The following ZFPM2 variants were observed in gnomAD, a reference collection of about 807,000 sequenced individuals.
The protein encoded by ZFPM2 is zinc finger protein ZFPM2.
In ZFPM2, 20 loss-of-function variants were observed where a neutral mutation model predicts 98.6. The observed-to-expected ratio is 0.20, with a 90% CI of 0.14 to 0.29. ZFPM2 has a LOEUF of 0.29. ZFPM2 is among the 10% of genes least tolerant of loss of function. ZFPM2 has a pLI of 1.00. For synonymous variants in ZFPM2, 518 were observed against 502.7 expected, an observed-to-expected ratio of 1.03 and a Z score of -0.41; for missense variants, 1,310 against 1,388.6, an observed-to-expected ratio of 0.94 and a Z score of 0.90.
intron 3 of ZFPM2, among the ~76,000 whole-genome samples, chr8:105,543,151 A>G (rs550537478): frequency 1.3e-5 from 2 of 152,340 alleles, no homozygotes; most frequent in African/African-American, 4.8e-5. Flanking sequence ...CTCCTGGATT[A>G]AAGTCGTCTG....
At chr8:105,476,270 C>T (rs558048075) in intron 3 of ZFPM2, among the ~76,000 whole-genome samples, 44 of 152,316 alleles carry the variant, frequency 2.9e-4, no homozygotes, top group African/African-American at 9.4e-4. Context: ...CCGGGCTGCA[C>T]AGCAGGTGAG....
intron 1 of ZFPM2, among the ~76,000 whole-genome samples, chr8:105,364,321 A>C (rs1437287108): frequency 6.6e-6 from 1 of 152,118 alleles, no homozygotes; most frequent in East Asian, 1.9e-4. Context: ...TACTAGGTCA[A>C]GAAATAGGGC....
chr8:105,803,460 C>T lies in ZFPM2; in HGVS notation c.3378C>T (p.Ile1126=). Residue 1126 remains isoleucine, a synonymous_variant, in exon 8 of 8, where the codon ATC becomes ATT. Transcript: ENST00000407775. ...TSGKYCRLCD[I]QFNNLSNFIT... ...GGAAATATTGCCGGCTATGTGATAT[C>T]CAGTTCAACAACCTTTCAAACTTTA... The T allele has an allele frequency of 6.2e-7, 1 of 1,613,658 alleles. No homozygotes were observed. Among genetic ancestry groups the T allele is most frequent in the Non-Finnish European group, 8.5e-7 (1 of 1,179,726 alleles).
chr8:105,630,430 T>C lies in ZFPM2; in HGVS notation c.421-3816T>C, dbSNP rs142064895. Among the ~76,000 whole-genome samples the C allele has an allele frequency of 3.5e-3, 528 of 152,298 alleles. 4 individuals carry two copies. The highest frequency in any genetic ancestry group is 0.012 in the African/African-American group (498 of 41,572). On this transcript the variant is annotated intron_variant, in intron 4 of 7. Coordinates refer to ENST00000407775, the MANE Select transcript of ZFPM2 (RefSeq NM_012082.4). ...AGAAATTGACTTACCTCCTCAAAGCTGTAATAACTGGTCCCTTGAGATTTT... is the reference window on the plus strand; with the variant it reads ...AGAAATTGACTTACCTCCTCAAAGCCGTAATAACTGGTCCCTTGAGATTTT...
intron 5 of ZFPM2, among the ~76,000 whole-genome samples, chr8:105,635,669 G>GC (rs1368839980): frequency 6.6e-6 from 1 of 152,158 alleles, no homozygotes; most frequent in Non-Finnish European, 1.5e-5. Flanking sequence ...GTTTACCAAT[G>GC]CCGACATTCA....
chr8:105,661,432 C>G (rs1006946643), intron 5 of ZFPM2, among the ~76,000 whole-genome samples: 1 of 152,036 alleles, frequency 6.6e-6, no homozygotes, highest in Non-Finnish European at 1.5e-5. Context: ...AATCCCTCAC[C>G]CTAAGGACTT....
At chr8:105,336,771 C>G (rs1225662558) in intron 1 of ZFPM2, among the ~76,000 whole-genome samples, 1 of 151,138 alleles carries the variant, frequency 6.6e-6, no homozygotes, top group Non-Finnish European at 1.5e-5. Context: ...ATATGACACA[C>G]ACATTATAGA....
intron 6 of ZFPM2, 51 bp from the exon 7 acceptor site, chr8:105,798,673 T>C: frequency 2.0e-6 from 3 of 1,513,570 alleles, no homozygotes. Context: ...TTACCCACAG[T>C]TGGTTTCAAA....
intron 1 of ZFPM2, among the ~76,000 whole-genome samples, chr8:105,395,351 C>A (rs1563639061): frequency 6.6e-6 from 1 of 152,116 alleles, no homozygotes; most frequent in African/African-American, 2.4e-5. Context: ...AATTAGAAAC[C>A]TTTTTCTTAT....
intron 1 of ZFPM2, among the ~76,000 whole-genome samples, chr8:105,393,903 T>G (rs1356255579): frequency 6.6e-6 from 1 of 150,678 alleles, no homozygotes. Flanking sequence ...TCTTTTTTTT[T>G]TTTTTTTTGA....
chr8:105,530,335 G>A (rs1257840914), intron 3 of ZFPM2, among the ~76,000 whole-genome samples: 1 of 152,108 alleles, frequency 6.6e-6, no homozygotes, highest in African/African-American at 2.4e-5. Flanking sequence ...ACATACTTTT[G>A]TTCTGGATCT....
intron 1 of ZFPM2, among the ~76,000 whole-genome samples, chr8:105,326,754 T>C (rs1441034104): frequency 6.6e-6 from 1 of 151,434 alleles, no homozygotes; most frequent in Non-Finnish European, 1.5e-5. Context: ...CCCCTTTGAA[T>C]TGCTAGAAAC....
intron 2 of ZFPM2, among the ~76,000 whole-genome samples, chr8:105,443,536 T>G (rs1812308713): frequency 6.6e-6 from 1 of 152,192 alleles, no homozygotes; most frequent in African/African-American, 2.4e-5. Context: ...TCACTTAAAA[T>G]GAAGGTACTC....
intron 3 of ZFPM2, among the ~76,000 whole-genome samples, chr8:105,453,902 T>G (rs1489940335): frequency 6.6e-6 from 1 of 152,056 alleles, no homozygotes; most frequent in Admixed American, 6.6e-5. Context: ...CTAGAGTATT[T>G]TAAAGCGAGT....
chr8:105,737,182 A>C, intron 5 of ZFPM2: 1 of 152,066 alleles, frequency 6.6e-6, no homozygotes, highest in East Asian at 1.9e-4. Context: ...ATTTCCTCTC[A>C]AATTATTCAT....
At chr8:105,595,391 C>T (rs1454507013) in intron 4 of ZFPM2, among the ~76,000 whole-genome samples, 3 of 151,972 alleles carry the variant, frequency 2.0e-5, no homozygotes, top group Non-Finnish European at 4.4e-5. Flanking sequence ...AAGAGCTGGA[C>T]CAGATGCTGG....
At chr8:105,701,284 G>A (rs1374540129) in intron 5 of ZFPM2, among the ~76,000 whole-genome samples, 2 of 152,114 alleles carry the variant, frequency 1.3e-5, no homozygotes, top group African/African-American at 4.8e-5. Flanking sequence ...TATAAAGTCA[G>A]TTCTGTTGAT....
chr8:105,424,073 C>T (rs1811857996), intron 2 of ZFPM2, among the ~76,000 whole-genome samples: 1 of 152,032 alleles, frequency 6.6e-6, no homozygotes, highest in African/African-American at 2.4e-5. Context: ...GATGGGTGCA[C>T]CAAAATCTCA....
At chr8:105,483,807 C>T (rs1463670910) in intron 3 of ZFPM2, among the ~76,000 whole-genome samples, 1 of 148,572 alleles carries the variant, frequency 6.7e-6, no homozygotes. Flanking sequence ...GATCTTGGCT[C>T]ACTGCAACCT....
Sources: gnomAD v4.1 joint callset for allele counts (sites outside exome capture counted in the v4.1 genomes callset) on GRCh38, gnomAD v4.1.1 for gene constraint, MANE v1.5 for transcripts, NCBI Gene and HGNC (gene_info 2026-07-23, HGNC 2026-07-21) for gene names.